Variants in UBN1 observed in about 807,000 individuals in gnomAD.
The protein encoded by UBN1 is ubinuclein 1, also known as ubinuclein-1.
UBN1 carries 17 observed loss-of-function variants against 108.5 expected under a neutral mutation model. The observed-to-expected ratio is 0.16, with a 90% CI of 0.11 to 0.24. The LOEUF (loss-of-function observed/expected upper bound fraction) is 0.24. Among genes scored for constraint, UBN1 ranks in the 10% least tolerant of loss-of-function variants. The pLI, the probability that UBN1 is intolerant of heterozygous loss-of-function variation, is 1.00. For missense variants in UBN1, 1,595 were observed against 1,394.4 expected, an observed-to-expected ratio of 1.14 and a Z score of -2.29; for synonymous variants, 726 against 564.2, an observed-to-expected ratio of 1.29 and a Z score of -4.07.
chr16:4,863,588 T>C (rs2087171305), intron 7 of UBN1, among the ~76,000 whole-genome samples: 1 of 152,188 alleles, frequency 6.6e-6, no homozygotes, highest in South Asian at 2.1e-4. Context: ...TACGTGTTTC[T>C]CACTTTATTT....
rs932138186 is a variant in UBN1 at position 4,874,841 on chromosome 16, A to T, written c.2431A>T (p.Thr811Ser). 6.8e-6 allele frequency: 11 copies of T among 1,614,054 alleles called. No homozygotes were observed. Among genetic ancestry groups the T allele is most frequent in the Non-Finnish European group, 9.3e-6 (11 of 1,180,034 alleles). ...GPQVKVFHAGTQQQKNFTPPS... is the reference protein window; with the variant it reads ...GPQVKVFHAGSQQQKNFTPPS... The stretch of plus-strand genomic sequence containing the variant: ...CCAGGTCAAAGTCTTTCATGCCGGC[A>T]CTCAGCAGCAGAAAAACTTCACGCC... Residue 811 changes from threonine to serine, a missense_variant, in exon 15 of 18, where the codon ACT becomes TCT. This residue lies in a region of UBN1 where 1,398 missense variants were observed against 1,194.7 expected (regional missense o/e 1.17). Coordinates refer to ENST00000262376, the MANE Select transcript of UBN1 (RefSeq NM_001079514.3).
At position 4,880,779 on chromosome 16, in the gene UBN1, G is replaced by A. The variant is rs1351174911; in HGVS notation, c.*647G>A. The A allele has an allele frequency of 6.6e-6, 1 of 152,566 alleles. No homozygotes were observed. The highest frequency in any genetic ancestry group is 2.4e-5 in the African/African-American group (1 of 41,410). The allele number at this position is 152,566 out of a possible 1,614,324, so 9.5% of individuals were successfully genotyped here. ...CAACAATTATGATAGGATTTTTACA[G>A]ACACCTATTTTGGGCTCAGTTTTCA... On this transcript the variant is annotated 3_prime_UTR_variant, in exon 18 of 18. Transcript: ENST00000262376.
At chr16:4,870,749 T>C in intron 10 of UBN1, 95 bp from the exon 11 acceptor site, 3 of 1,589,098 alleles carry the variant, frequency 1.9e-6, no homozygotes, top group Non-Finnish European at 2.6e-6. Context: ...TTTGGCCTTT[T>C]CTCCTTCTCT....
chr16:4,876,805 A>G, intron 15 of UBN1, 66 bp from the exon 16 acceptor site: 2 of 1,519,810 alleles, frequency 1.3e-6, no homozygotes, highest in South Asian at 1.3e-5. Flanking sequence ...TTGTGTTGCC[A>G]GGTTTGGTGT....
intron 12 of UBN1, 99 bp downstream of exon 12, chr16:4,871,400 C>CT: frequency 3.3e-6 from 5 of 1,498,774 alleles, no homozygotes; most frequent in Non-Finnish European, 3.6e-6. Flanking sequence ...CAGGGAGTCA[C>CT]TGTCTAGCTG....
rs1289230705 is a variant in UBN1, at chr16:4,847,765, C to T, written c.-485C>T. 2 of 153,992 alleles carry T rather than the reference C, an allele frequency of 1.3e-5. No homozygotes were observed. The highest frequency in any genetic ancestry group is 4.8e-5 in the African/African-American group (2 of 41,454). 9.5% of individuals were successfully genotyped at this position (153,992 alleles called of 1,614,324 possible). ...TCGGCGCGGCCTGGAACTCAGCCTC[C>T]GCCGGGTCTGGGCTCCCGCGCCCGG... On this transcript the variant is annotated 5_prime_UTR_variant, in exon 1 of 18. Coordinates refer to ENST00000262376, the MANE Select transcript of UBN1 (RefSeq NM_001079514.3).
rs1247804597 is a variant in UBN1, at chr16:4,876,806, G to C, written c.3025-65G>C. 7 of 1,524,882 alleles carry C rather than the reference G, an allele frequency of 4.6e-6. No homozygotes were observed. The African/African-American group carries it at 8.3e-5, about 18-fold the overall frequency. The allele number at this position is 1,524,882 out of a possible 1,614,324, so 94.5% of individuals were successfully genotyped here. A position where few individuals can be genotyped will look rare whatever the true frequency, so the allele number is the denominator to read the frequency against. On this transcript the variant is annotated intron_variant, in intron 15 of 17. Coordinates refer to ENST00000262376, the MANE Select transcript of UBN1 (RefSeq NM_001079514.3). ...ACAAGGAGGATCCTTTGTGTTGCCA[G>C]GTTTGGTGTGAGTGAGCCACGAACA... is the stretch of plus-strand genomic sequence containing the variant.
intron 2 of UBN1, among the ~76,000 whole-genome samples, chr16:4,853,957 C>T (rs925353512): frequency 1.3e-5 from 2 of 152,158 alleles, no homozygotes; most frequent in African/African-American, 4.8e-5. Flanking sequence ...CCTCCTTCTG[C>T]CCTGCCAGAA....
intron 7 of UBN1, among the ~76,000 whole-genome samples, chr16:4,862,147 C>T (rs544920624): frequency 2.6e-5 from 4 of 152,176 alleles, no homozygotes; most frequent in Non-Finnish European, 4.4e-5. Flanking sequence ...TGATGCAGCT[C>T]TAGTGGCAGT....
Position 4,853,254 on chromosome 16 carries a change from A to G in UBN1, c.249+88A>G, listed in dbSNP as rs2086638841. 4.6e-6 allele frequency: 7 copies of G among 1,518,890 alleles called. No homozygotes were observed. In the East Asian group the frequency reaches 1.1e-4, roughly 25 times the overall value. The allele number at this position is 1,518,890 out of a possible 1,614,324, so 94.1% of individuals were successfully genotyped here. A position where few individuals can be genotyped will look rare whatever the true frequency, so the allele number is the denominator to read the frequency against. ...GGGGCTTCCGTAGCGGGGAAGCAAG[A>G]CTTAACTGAGGTTTTGGCTGCCCCA... On this transcript the variant is annotated intron_variant, in intron 2 of 17. Transcript: ENST00000262376.
At chr16:4,857,611 C>A (rs951985980) in intron 2 of UBN1, among the ~76,000 whole-genome samples, 22 of 151,962 alleles carry the variant, frequency 1.4e-4, no homozygotes. Flanking sequence ...TTTTGGAAGT[C>A]AATGGACTCT....
intron 14 of UBN1, among the ~76,000 whole-genome samples, chr16:4,873,868 C>T (rs1241829672): frequency 2.6e-5 from 4 of 152,228 alleles, no homozygotes; most frequent in African/African-American, 4.8e-5. Flanking sequence ...GCTAGGAGTG[C>T]GCTGAGACAG....
Position 4,861,021 on chromosome 16 carries a change from G to C in UBN1, c.1029G>C (p.Leu343Phe). ...GAAGTGATTCCCTTGGGGTGGGATT[G>C]GACCAGGAATTCAGGCAGCCCTCTT... ...DDGSDSLGVG[L>F]DQEFRQPSSL... Residue 343 changes from leucine to phenylalanine, a missense_variant, in exon 7 of 18, where the codon TTG becomes TTC. By Grantham distance (22) the Leu-to-Phe change is conservative. Transcript: ENST00000262376. 6.2e-7 allele frequency: 1 copy of C among 1,614,212 alleles called. No homozygotes were observed. Among genetic ancestry groups the C allele is most frequent in the Non-Finnish European group, 8.5e-7 (1 of 1,180,052 alleles).
chr16:4,876,734 T>C, intron 15 of UBN1, 137 bp from the exon 16 acceptor site: 1 of 1,394,550 alleles, frequency 7.2e-7, no homozygotes, highest in Non-Finnish European at 9.6e-7. Context: ...GGAGGGTGCC[T>C]CCCAGGGCCA....
intron 1 of UBN1, among the ~76,000 whole-genome samples, chr16:4,851,614 C>A (rs1392897250): frequency 6.6e-6 from 1 of 151,940 alleles, no homozygotes; most frequent in East Asian, 1.9e-4. Flanking sequence ...AGGTTGTGAG[C>A]TTAAGACCAG....
At chr16:4,871,031 G>C (rs556955300) in intron 11 of UBN1, 59 bp downstream of exon 11, 108 of 1,607,658 alleles carry the variant, frequency 6.7e-5, no homozygotes, top group Middle Eastern at 5.0e-4. Context: ...GTCTGAGCAC[G>C]TCCCCTATTG....
At chr16:4,862,258 C>G (rs967196916) in intron 7 of UBN1, among the ~76,000 whole-genome samples, 1 of 152,210 alleles carries the variant, frequency 6.6e-6, no homozygotes, top group African/African-American at 2.4e-5. Context: ...GGTAAATTGT[C>G]AGCTACTGCT....
chr16:4,856,259 C>T (rs947848205), intron 2 of UBN1, among the ~76,000 whole-genome samples: 3 of 152,152 alleles, frequency 2.0e-5, no homozygotes, highest in African/African-American at 7.2e-5. Flanking sequence ...CAGAAAAATG[C>T]ATGGAGGATA....
In UBN1 at chr16:4,880,221, G is replaced by C. The variant is rs2142307260; in HGVS notation, c.*89G>C. 1.4e-6 allele frequency: 2 copies of C among 1,420,020 alleles called. No homozygotes were observed. The highest frequency in any genetic ancestry group is 4.6e-5 in the East Asian group (2 of 43,628). The allele number at this position is 1,420,020 out of a possible 1,614,324, so 88.0% of individuals were successfully genotyped here. A position where few individuals can be genotyped will look rare whatever the true frequency, so the allele number is the denominator to read the frequency against. ...GATGTACACTCACTGCGCCCTTTCT[G>C]CTGCTTGGTGTTCTTCTGGAGGAGC... On this transcript the variant is annotated 3_prime_UTR_variant, in exon 18 of 18. Transcript: ENST00000262376.
Sources: allele counts gnomAD v4.1 joint callset (sites outside exome capture counted in the v4.1 genomes callset), GRCh38; gene constraint gnomAD v4.1.1; regional missense constraint gnomAD v4.1.1; transcripts MANE v1.5; gene names NCBI Gene and HGNC (gene_info 2026-07-23, HGNC 2026-07-21).